Variants in ELP1 observed in about 807,000 individuals in gnomAD.
ELP1 encodes the protein elongator acetyltransferase complex subunit 1.
Under a neutral mutation model 183.2 loss-of-function variants are expected in ELP1, and 131 were observed. That is an observed-to-expected ratio of 0.72 (90% CI 0.62 to 0.83). The LOEUF (loss-of-function observed/expected upper bound fraction) is 0.83. Ranked by LOEUF, ELP1 falls within the 40% of genes least tolerant of loss-of-function variation. The pLI is 0.00. For missense variants in ELP1, 1,550 were observed against 1,594.9 expected, an observed-to-expected ratio of 0.97 and a Z score of 0.48; for synonymous variants, 555 against 569.0, an observed-to-expected ratio of 0.98 and a Z score of 0.35.
intron 36 of ELP1, among the ~76,000 whole-genome samples, chr9:108,871,575 T>C (rs1827462808): frequency 6.6e-6 from 1 of 152,228 alleles, no homozygotes; most frequent in African/African-American, 2.4e-5. Context: ...AGGGCAGTCC[T>C]GATCATAAAC....
At chr9:108,930,562 C>T (rs1290213329) in intron 2 of ELP1, among the ~76,000 whole-genome samples, 7 of 151,886 alleles carry the variant, frequency 4.6e-5, no homozygotes, top group Non-Finnish European at 7.4e-5. Flanking sequence ...CGGTGGCGGG[C>T]GCCTGTAGTC....
At chr9:108,922,055 T>C (rs1187260296) in intron 6 of ELP1, among the ~76,000 whole-genome samples, 4 of 152,154 alleles carry the variant, frequency 2.6e-5, no homozygotes, top group Admixed American at 2.0e-4. Flanking sequence ...ATGAGGATAA[T>C]GTAATCTGTA....
intron 6 of ELP1, among the ~76,000 whole-genome samples, chr9:108,919,625 T>C (rs987089160): frequency 6.7e-6 from 1 of 150,210 alleles, no homozygotes. Context: ...GCTACAGATC[T>C]AGATCCTGAA....
At chr9:108,875,308 G>A (rs1827667935) in intron 35 of ELP1, among the ~76,000 whole-genome samples, 1 of 152,228 alleles carries the variant, frequency 6.6e-6, no homozygotes, top group Non-Finnish European at 1.5e-5. Flanking sequence ...CAAATACGTA[G>A]AGTATCAATT....
chr9:108,885,866 T>TA (rs1828103796), intron 29 of ELP1, among the ~76,000 whole-genome samples: 1 of 151,526 alleles, frequency 6.6e-6, no homozygotes, highest in South Asian at 2.1e-4. Flanking sequence ...ATCTTGGGGG[T>TA]ATGGGTGCAA....
At position 108,881,288 on chromosome 9, in the gene ELP1, C is replaced by A. The variant is rs140046902; in HGVS notation, c.3346+417G>T. ...CACATTCATTAATACTTTTGTGGAA[C>A]CTTTTAAGAGTAAGGCAGAGATATG... On this transcript the variant is annotated intron_variant, in intron 31 of 36. Transcript: ENST00000374647. Among the ~76,000 whole-genome samples the A allele has an allele frequency of 5.9e-5, 9 of 152,224 alleles. No individual in the cohort carries two copies. The East Asian group carries it at 1.7e-3, about 29-fold the overall frequency.
At chr9:108,882,967 G>C (rs1827988524) in intron 29 of ELP1, among the ~76,000 whole-genome samples, 1 of 152,162 alleles carries the variant, frequency 6.6e-6, no homozygotes, top group South Asian at 2.1e-4. Flanking sequence ...ATCAGATATA[G>C]GATTTGCAAA....
intron 13 of ELP1, among the ~76,000 whole-genome samples, chr9:108,908,059 C>T (rs1477740182): frequency 6.6e-6 from 1 of 152,200 alleles, no homozygotes; most frequent in African/African-American, 2.4e-5. Flanking sequence ...GAGAACCAAG[C>T]GCTATTGGGA....
At chr9:108,917,809 T>A in intron 8 of ELP1, 139 bp from the exon 9 acceptor site, 1 of 977,706 alleles carries the variant, frequency 1.0e-6, no homozygotes, top group Non-Finnish European at 1.6e-6. Flanking sequence ...AAGGAAGTTT[T>A]AAATCCCATG....
chr9:108,922,788 G>T, intron 6 of ELP1, 54 bp downstream of exon 6: 1 of 1,360,630 alleles, frequency 7.3e-7, no homozygotes, highest in Non-Finnish European at 1.0e-6. Context: ...CCTGGTGGGT[G>T]GCAAACTTAC....
At position 108,897,277 on chromosome 9, in the gene ELP1, T is replaced by G. The variant is rs532550445; in HGVS notation, c.2372A>C (p.Asp791Ala). The G allele has an allele frequency of 3.7e-6, 6 of 1,613,996 alleles. No homozygotes were observed. The South Asian group carries it at 5.5e-5, about 15-fold the overall frequency. ...TGCAGGGTACATGGTCTTCGTGACATCTTCTTCTCTAAGAACAGGTGTGTA... is the reference window on the plus strand; with the variant it reads ...TGCAGGGTACATGGTCTTCGTGACAGCTTCTTCTCTAAGAACAGGTGTGTA... ...NLFFTELKEE[D>A]VTKTMYPAPV... Residue 791 changes from aspartate to alanine, a missense_variant, in exon 23 of 37, where the codon GAT (aspartate) becomes GCT (alanine). Transcript: ENST00000374647.
chr9:108,919,325 CA>C lies in ELP1; in HGVS notation c.576del (p.Asp192GlufsTer18). On this transcript the variant is annotated frameshift_variant, in exon 7 of 37. Transcript: ENST00000374647. LOFTEE classifies it high-confidence loss of function. ...CGCCAGGTAACTTGTGGTCTATGGT[CA>C]TCCCAGGGCAAAGCAGACTCATGCT... is the stretch of plus-strand genomic sequence containing the variant. ...MQMHESALPW[D>X]DHRPQVTWRG... The C allele has an allele frequency of 1.2e-6, 2 of 1,613,690 alleles. No individual in the cohort carries two copies. The highest frequency in any genetic ancestry group is 4.5e-5 in the East Asian group (2 of 44,858).
intron 35 of ELP1, chr9:108,875,654 G>A: frequency 2.7e-6 from 1 of 365,196 alleles, no homozygotes; most frequent in Non-Finnish European, 5.3e-6. Flanking sequence ...CAGCACTTTG[G>A]GAGGCCAAGG....
At chr9:108,928,535 T>C (rs1482363799) in intron 3 of ELP1, among the ~76,000 whole-genome samples, 1 of 152,104 alleles carries the variant, frequency 6.6e-6, no homozygotes, top group Non-Finnish European at 1.5e-5. Flanking sequence ...AAAAATCAGC[T>C]GCAACTAAAA....
intron 36 of ELP1, among the ~76,000 whole-genome samples, chr9:108,871,365 C>G (rs1397850103): frequency 6.6e-6 from 1 of 152,122 alleles, no homozygotes; most frequent in Non-Finnish European, 1.5e-5. Context: ...CGGGCATTCT[C>G]CAGTATCAAA....
At chr9:108,932,603 A>C (rs1303040600) in intron 1 of ELP1, among the ~76,000 whole-genome samples, 8 of 151,926 alleles carry the variant, frequency 5.3e-5, no homozygotes, top group South Asian at 4.1e-4. Flanking sequence ...CTGCCTCCCA[A>C]AGTGCTGGGA....
At chr9:108,921,866 A>G (rs1287466881) in intron 6 of ELP1, among the ~76,000 whole-genome samples, 1 of 152,258 alleles carries the variant, frequency 6.6e-6, no homozygotes, top group African/African-American at 2.4e-5. Flanking sequence ...AAACAAAAGC[A>G]GCAACTACCA....
At position 108,917,842 on chromosome 9, in the gene ELP1, G is replaced by A. The variant is rs529547554; in HGVS notation, c.741-172C>T. On this transcript the variant is annotated intron_variant, in intron 8 of 36. Coordinates refer to ENST00000374647, the MANE Select transcript of ELP1 (RefSeq NM_003640.5). ...ATGTGTCCCTTGTCTCTCGGCGAGC[G>A]GTTCATCCCACTGTGGGACTGTACT... Among the ~76,000 whole-genome samples the A allele has an allele frequency of 9.2e-5, 14 of 152,174 alleles. No individual in the cohort carries two copies. The East Asian group carries it at 2.3e-3, about 25-fold the overall frequency.
intron 12 of ELP1, among the ~76,000 whole-genome samples, chr9:108,909,348 G>C (rs1237357716): frequency 6.6e-6 from 1 of 152,070 alleles, no homozygotes; most frequent in East Asian, 1.9e-4. Flanking sequence ...CTAGAAAAAA[G>C]CCTGGCATAT....
Sources: gnomAD v4.1 joint callset for allele counts (sites outside exome capture counted in the v4.1 genomes callset) on GRCh38, gnomAD v4.1.1 for gene constraint, MANE v1.5 for transcripts, NCBI Gene and HGNC (gene_info 2026-07-23, HGNC 2026-07-21) for gene names.